The following UNC5D variants were observed in gnomAD, a reference collection of about 807,000 sequenced individuals.
UNC5D encodes the protein netrin receptor UNC5D.
A neutral mutation model predicts 105.4 loss-of-function variants in UNC5D; 39 were observed. That is an observed-to-expected ratio of 0.37 (90% CI 0.29 to 0.48). The LOEUF (loss-of-function observed/expected upper bound fraction) is 0.48. Among genes scored for constraint, UNC5D ranks in the 20% least tolerant of loss-of-function variants. The probability of loss-of-function intolerance (pLI) is 0.98; values close to 1 mark genes in which losing one functional copy is unlikely to be tolerated. For synonymous variants in UNC5D, 452 were observed against 450.4 expected (o/e 1.00, Z -0.04); for missense variants, 991 against 1,202.4 (o/e 0.82, Z 2.60).
In UNC5D at chr8:35,503,726, G is replaced by A. The variant is rs191540356; in HGVS notation, c.104-45566G>A. On this transcript the variant is annotated intron_variant, in intron 1 of 16. Transcript: ENST00000404895. ...TGGTGGCTTCCTTAATAGAAAGGGA[G>A]TTAGAATTTTAATTCCCACTCCTGG... Among the ~76,000 whole-genome samples the A allele has an allele frequency of 3.9e-5, 6 of 152,338 alleles. No homozygotes were observed. The East Asian group carries it at 1.2e-3, about 29-fold the overall frequency.
chr8:35,525,322 C>T, intron 1 of UNC5D: 1 of 1,612,222 alleles, frequency 6.2e-7, no homozygotes, highest in Non-Finnish European at 8.5e-7. Context: ...CAGTTTTCCA[C>T]TTGATATGGG....
intron 1 of UNC5D, among the ~76,000 whole-genome samples, chr8:35,270,681 A>C (rs974303869): frequency 2.0e-5 from 3 of 152,186 alleles, no homozygotes; most frequent in Non-Finnish European, 4.4e-5. Flanking sequence ...GTCAGATCTT[A>C]AATGATAAAA....
chr8:35,605,383 C>T (rs892326138), intron 4 of UNC5D, among the ~76,000 whole-genome samples: 3 of 152,246 alleles, frequency 2.0e-5, no homozygotes, highest in African/African-American at 7.2e-5. Context: ...GCAAATGCTG[C>T]TGCCTGATCG....
chr8:35,365,053 ATCT>A (rs1802038074), intron 1 of UNC5D, among the ~76,000 whole-genome samples: 3 of 152,154 alleles, frequency 2.0e-5, no homozygotes. Context: ...GTGGTATGTC[ATCT>A]TCTCATCTTT....
chr8:35,541,835 G>T (rs1563517244), intron 1 of UNC5D, among the ~76,000 whole-genome samples: 1 of 152,176 alleles, frequency 6.6e-6, no homozygotes, highest in East Asian at 1.9e-4. Flanking sequence ...TAGTAGGCAT[G>T]CACATGCGTC....
chr8:35,516,508 G>A (rs1454456607), intron 1 of UNC5D, among the ~76,000 whole-genome samples: 1 of 152,198 alleles, frequency 6.6e-6, no homozygotes, highest in Admixed American at 6.5e-5. Flanking sequence ...AGAAGCCACT[G>A]TGTTGATCGT....
chr8:35,681,624 C>T (rs1242995132), intron 4 of UNC5D, among the ~76,000 whole-genome samples: 7 of 152,212 alleles, frequency 4.6e-5, no homozygotes, highest in Non-Finnish European at 1.0e-4. Flanking sequence ...TTAGTACCTA[C>T]ACTTCCAGGC....
At chr8:35,430,364 C>T (rs993520540) in intron 1 of UNC5D, among the ~76,000 whole-genome samples, 3 of 152,120 alleles carry the variant, frequency 2.0e-5, no homozygotes, top group Non-Finnish European at 4.4e-5. Context: ...TTTTCCCATG[C>T]GTTGCCCTGT....
At chr8:35,455,904 C>G (rs1052069332) in intron 1 of UNC5D, among the ~76,000 whole-genome samples, 2 of 152,022 alleles carry the variant, frequency 1.3e-5, no homozygotes, top group Non-Finnish European at 2.9e-5. Flanking sequence ...GGCCCTCCCA[C>G]AACACATGAG....
At chr8:35,781,050 G>A (rs186556963) in intron 16 of UNC5D, among the ~76,000 whole-genome samples, 5 of 152,150 alleles carry the variant, frequency 3.3e-5, no homozygotes, top group Admixed American at 6.5e-5. Flanking sequence ...ATTATACATC[G>A]GTCCTTGTAG....
intron 1 of UNC5D, among the ~76,000 whole-genome samples, chr8:35,410,307 T>C (rs1297052222): frequency 1.3e-5 from 2 of 151,966 alleles, no homozygotes. Context: ...ACACATTACC[T>C]TAAAAAAAAG....
chr8:35,366,074 A>T (rs1802103835), intron 1 of UNC5D, among the ~76,000 whole-genome samples: 1 of 152,196 alleles, frequency 6.6e-6, no homozygotes, highest in Non-Finnish European at 1.5e-5. Flanking sequence ...ATTTGGGCAG[A>T]GTGGGAAAGA....
At chr8:35,682,126 G>A (rs1266787206) in intron 4 of UNC5D, among the ~76,000 whole-genome samples, 8 of 151,988 alleles carry the variant, frequency 5.3e-5, no homozygotes, top group African/African-American at 7.3e-5. Context: ...CACCACACCC[G>A]GCTAATTTTG....
At chr8:35,667,705 T>C (rs1299257767) in intron 4 of UNC5D, among the ~76,000 whole-genome samples, 1 of 152,230 alleles carries the variant, frequency 6.6e-6, no homozygotes, top group Non-Finnish European at 1.5e-5. Flanking sequence ...AATGTAGACA[T>C]AATAACAGAA....
chr8:35,418,578 G>A (rs971627867), intron 1 of UNC5D, among the ~76,000 whole-genome samples: 2 of 152,114 alleles, frequency 1.3e-5, no homozygotes, highest in South Asian at 4.1e-4. Flanking sequence ...TCTTCAAACT[G>A]TGTGTCAGAA....
chr8:35,434,412 T>A lies in UNC5D; in HGVS notation c.104-114880T>A, dbSNP rs201670604. Among the ~76,000 whole-genome samples, 12 of 152,232 alleles carry A rather than the reference T, an allele frequency of 7.9e-5. No individual in the cohort carries two copies. In the East Asian group the frequency reaches 1.2e-3, roughly 15 times the overall value. The stretch of plus-strand genomic sequence containing the variant: ...TATTGGAAATTAAAGTAAGTAATTT[T>A]AAATTTTTTTTTATTTTAAGTAATA... On this transcript the variant is annotated intron_variant, in intron 1 of 16. Coordinates refer to ENST00000404895, the MANE Select transcript of UNC5D (RefSeq NM_080872.4).
intron 1 of UNC5D, among the ~76,000 whole-genome samples, chr8:35,312,814 G>A (rs150672620): frequency 0.01 from 1,579 of 152,230 alleles, 8 homozygotes; most frequent in Middle Eastern, 0.014. Flanking sequence ...ATAGTATTCC[G>A]TAATATAAAC....
At chr8:35,347,233 A>G (rs1370324738) in intron 1 of UNC5D, among the ~76,000 whole-genome samples, 1 of 152,024 alleles carries the variant, frequency 6.6e-6, no homozygotes, top group East Asian at 1.9e-4. Context: ...GTGTGCTGGA[A>G]CAGACTCTGG....
chr8:35,443,787 A>G (rs1296583572), intron 1 of UNC5D, among the ~76,000 whole-genome samples: 2 of 152,004 alleles, frequency 1.3e-5, no homozygotes, highest in Non-Finnish European at 2.9e-5. Context: ...ATAATATAGA[A>G]TTATATTTGC....
Sources: allele counts gnomAD v4.1 joint callset (sites outside exome capture counted in the v4.1 genomes callset), GRCh38; gene constraint gnomAD v4.1.1; transcripts MANE v1.5; gene names NCBI Gene and HGNC (gene_info 2026-07-23, HGNC 2026-07-21).